The following GRID2 variants were observed in gnomAD, a reference collection of about 807,000 sequenced individuals.
The protein encoded by GRID2 is glutamate ionotropic receptor delta type subunit 2.
In GRID2, 33 loss-of-function variants were observed where a neutral mutation model predicts 114.8. The ratio of observed to expected loss-of-function variants is 0.29; its 90% CI spans 0.22 to 0.38. The LOEUF is 0.38. Ranked by LOEUF, GRID2 falls within the 10% of genes least tolerant of loss-of-function variation. GRID2 has a pLI of 1.00. For missense variants in GRID2, 1,184 were observed against 1,257.7 expected (o/e 0.94, Z 0.89); for synonymous variants, 505 against 449.9 (o/e 1.12, Z -1.55).
chr4:93,233,366 G>C (rs1246247195), intron 7 of GRID2, among the ~76,000 whole-genome samples: 2 of 150,138 alleles, frequency 1.3e-5, no homozygotes, highest in Non-Finnish European at 3.0e-5. Context: ...TTTTTGAGAT[G>C]GAGTCTCGCT....
At chr4:93,146,673 A>G (rs1736291946) in intron 4 of GRID2, among the ~76,000 whole-genome samples, 1 of 146,776 alleles carries the variant, frequency 6.8e-6, no homozygotes. Context: ...TTGTTAAAGG[A>G]AAGAGCCACT....
intron 2 of GRID2, among the ~76,000 whole-genome samples, chr4:92,982,436 A>T (rs2149189713): frequency 6.6e-6 from 1 of 152,220 alleles, no homozygotes; most frequent in Admixed American, 6.5e-5. Flanking sequence ...GAGTGATTAA[A>T]AATTACTCAA....
chr4:92,738,275 G>A (rs1417285794), intron 2 of GRID2, among the ~76,000 whole-genome samples: 2 of 152,066 alleles, frequency 1.3e-5, no homozygotes, highest in Non-Finnish European at 2.9e-5. Context: ...TGGATTGAAT[G>A]TCTGTTCCTT....
intron 8 of GRID2, among the ~76,000 whole-genome samples, chr4:93,355,784 T>G (rs994403828): frequency 6.6e-6 from 1 of 152,098 alleles, no homozygotes; most frequent in Non-Finnish European, 1.5e-5. Flanking sequence ...ATATTTGCCC[T>G]GAAAGTGACA....
chr4:92,832,551 G>T (rs942452914), intron 2 of GRID2, among the ~76,000 whole-genome samples: 1 of 151,182 alleles, frequency 6.6e-6, no homozygotes, highest in Non-Finnish European at 1.5e-5. Flanking sequence ...CCGCCACCAC[G>T]CCTGACTAAT....
intron 15 of GRID2, among the ~76,000 whole-genome samples, chr4:93,770,597 A>G (rs1490015725): frequency 2.6e-5 from 4 of 152,240 alleles, no homozygotes; most frequent in Admixed American, 6.5e-5. Context: ...ATGAGCATAC[A>G]TTCTAAATAT....
At chr4:92,893,439 C>CT (rs963331366) in intron 2 of GRID2, among the ~76,000 whole-genome samples, 3 of 152,146 alleles carry the variant, frequency 2.0e-5, no homozygotes, top group African/African-American at 7.2e-5. Flanking sequence ...ATCCTGAGCC[C>CT]TTGTCCTGGC....
chr4:93,568,958 A>G (rs35170469), intron 13 of GRID2, among the ~76,000 whole-genome samples: 44,896 of 152,030 alleles, frequency 0.3, 7,627 homozygotes, highest in Middle Eastern at 0.45. Flanking sequence ...ATTTACTTCC[A>G]ACACCTGTAC....
At chr4:93,474,200 G>A (rs531223528) in intron 11 of GRID2, among the ~76,000 whole-genome samples, 2 of 152,216 alleles carry the variant, frequency 1.3e-5, no homozygotes, top group South Asian at 4.1e-4. Context: ...AAATGCATTT[G>A]TTGAGTTATC....
chr4:93,678,221 T>C (rs879601857), intron 14 of GRID2, among the ~76,000 whole-genome samples: 246 of 152,036 alleles, frequency 1.6e-3, no homozygotes, highest in Non-Finnish European at 2.8e-3. Flanking sequence ...AAGGGAAGTT[T>C]AGAGAAAAAA....
intron 8 of GRID2, among the ~76,000 whole-genome samples, chr4:93,326,686 G>C (rs1031760940): frequency 1.3e-5 from 2 of 151,858 alleles, no homozygotes; most frequent in African/African-American, 4.8e-5. Context: ...TACACCTCAT[G>C]CTTCTTTATA....
chr4:92,510,801 T>C (rs778421868), intron 1 of GRID2, among the ~76,000 whole-genome samples: 8 of 150,010 alleles, frequency 5.3e-5, no homozygotes, highest in Non-Finnish European at 1.0e-4. Context: ...AAAGCATATA[T>C]ACGTATTAAA....
intron 1 of GRID2, among the ~76,000 whole-genome samples, chr4:92,426,500 A>G (rs1007706576): frequency 1.3e-5 from 2 of 152,166 alleles, no homozygotes; most frequent in African/African-American, 4.8e-5. Flanking sequence ...TAATGCTAAA[A>G]CAAGGAATTA....
intron 8 of GRID2, among the ~76,000 whole-genome samples, chr4:93,354,721 TTATG>T: frequency 6.9e-6 from 1 of 145,510 alleles, no homozygotes; most frequent in East Asian, 2.0e-4. Context: ...TGTGTAATCT[TTATG>T]TATATGTAAT....
chr4:92,464,541 G>A (rs1177277831), intron 1 of GRID2, among the ~76,000 whole-genome samples: 1 of 151,914 alleles, frequency 6.6e-6, no homozygotes, highest in Admixed American at 6.6e-5. Context: ...TATAACGCCT[G>A]CTAATATTTC....
At chr4:93,278,920 G>A (rs561615449) in intron 8 of GRID2, among the ~76,000 whole-genome samples, 59 of 151,430 alleles carry the variant, frequency 3.9e-4, no homozygotes, top group African/African-American at 1.3e-3. Context: ...AACCTCTAAC[G>A]TTATAAACCT....
intron 8 of GRID2, among the ~76,000 whole-genome samples, chr4:93,367,222 A>G (rs1172368464): frequency 2.7e-5 from 3 of 112,830 alleles, no homozygotes; most frequent in Non-Finnish European, 5.5e-5. Flanking sequence ...TTTTTTGGTC[A>G]GTTGTTGAAA....
At chr4:93,235,858 G>A (rs1428378891) in intron 7 of GRID2, among the ~76,000 whole-genome samples, 1 of 152,022 alleles carries the variant, frequency 6.6e-6, no homozygotes, top group African/African-American at 2.4e-5. Context: ...GGTCATGTGG[G>A]TATTGATTGA....
chr4:92,973,764 C>T (rs997805036), intron 2 of GRID2, among the ~76,000 whole-genome samples: 14 of 152,050 alleles, frequency 9.2e-5, no homozygotes, highest in African/African-American at 3.1e-4. Context: ...ATTTAGAATA[C>T]TAAATCTTAT....
Sources: allele counts gnomAD v4.1 joint callset (sites outside exome capture counted in the v4.1 genomes callset), GRCh38; gene constraint gnomAD v4.1.1; transcripts MANE v1.5; gene names NCBI Gene and HGNC (gene_info 2026-07-23, HGNC 2026-07-21).